The following WSB2 variants were observed in gnomAD, a reference collection of about 807,000 sequenced individuals.
WSB2 encodes the protein WD repeat and SOCS box containing 2.
Under a neutral mutation model 48.8 loss-of-function variants are expected in WSB2, and 12 were observed. The ratio of observed to expected loss-of-function variants is 0.25; its 90% CI spans 0.16 to 0.40. WSB2 has a LOEUF of 0.40. WSB2 is among the 10% of genes least tolerant of loss of function. WSB2 has a pLI of 1.00. For missense variants in WSB2, 317 were observed against 506.2 expected, an observed-to-expected ratio of 0.63 and a Z score of 3.59; for synonymous variants, 191 against 203.1, an observed-to-expected ratio of 0.94 and a Z score of 0.51.
chr12:118,054,677 C>CA (rs1362353417), intron 1 of WSB2, among the ~76,000 whole-genome samples: 1 of 131,834 alleles, frequency 7.6e-6, no homozygotes, highest in South Asian at 2.9e-4. Context: ...AACTCTGTCT[C>CA]AAAAAATAAT....
At chr12:118,044,971 T>G (rs2031715907) in intron 2 of WSB2, among the ~76,000 whole-genome samples, 1 of 152,190 alleles carries the variant, frequency 6.6e-6, no homozygotes, top group African/African-American at 2.4e-5. Context: ...CGAAAATAAT[T>G]GCAGTATTTG....
Position 118,043,192 on chromosome 12 carries a change from C to G in WSB2, c.368G>C (p.Cys123Ser). Residue 123 changes from cysteine to serine, a missense_variant, in exon 3 of 9, where the codon TGC (cysteine) becomes TCC (serine). This residue lies in a region of WSB2 where 128 missense variants were observed against 156.7 expected (regional missense o/e 0.82). Transcript: ENST00000315436. ...RHHPQVPDVSCLVLATGLNDG... is the reference protein window; with the variant it reads ...RHHPQVPDVSSLVLATGLNDG... ...GTTGAGTCCCGTAGCAAGAACCAGGCAAGAGACATCGGGCACTTGGGGGTG... is the reference window on the plus strand; with the variant it reads ...GTTGAGTCCCGTAGCAAGAACCAGGGAAGAGACATCGGGCACTTGGGGGTG... The G allele has an allele frequency of 6.2e-7, 1 of 1,614,242 alleles. No individual in the cohort carries two copies. Among genetic ancestry groups the G allele is most frequent in the South Asian group, 1.1e-5 (1 of 91,084 alleles).
rs1276931577 is a variant in WSB2, at chr12:118,060,688, AC to A, written c.13+347del. On this transcript the variant is annotated intron_variant, in intron 1 of 8. Coordinates refer to ENST00000315436, the MANE Select transcript of WSB2 (RefSeq NM_018639.5). The surrounding 1 kb of genome is among the most constrained non-coding windows in gnomAD (Gnocchi z 4.1). ...GGCACCTGGGTACCCAGGGGCACCCACCCCCTTGGGGATCTCCGTTTTAGGG... is the reference window on the plus strand; with the variant it reads ...GGCACCTGGGTACCCAGGGGCACCCACCCCTTGGGGATCTCCGTTTTAGGG... Among the ~76,000 whole-genome samples, 1 of 150,604 alleles carries A rather than the reference AC, an allele frequency of 6.6e-6. No individual in the cohort carries two copies. Among genetic ancestry groups the A allele is most frequent in the Admixed American group, 6.6e-5 (1 of 15,146 alleles).
chr12:118,051,033 CAG>C (rs2031842445), intron 2 of WSB2, among the ~76,000 whole-genome samples: 3 of 150,798 alleles, frequency 2.0e-5, no homozygotes. Context: ...GCCTGAACAA[CAG>C]AGTGAGACTC....
At chr12:118,035,559 A>AT in intron 6 of WSB2, 1 of 495,788 alleles carries the variant, frequency 2.0e-6, no homozygotes, top group Non-Finnish European at 3.6e-6. Flanking sequence ...TAATTTGCTT[A>AT]TGCAAAGTAG....
At position 118,058,580 on chromosome 12, in the gene WSB2, G is replaced by A. The variant is rs544621967; in HGVS notation, c.13+2456C>T. Among the ~76,000 whole-genome samples, 4 of 152,188 alleles carry A rather than the reference G, an allele frequency of 2.6e-5. No individual in the cohort carries two copies. In the South Asian group the frequency reaches 8.3e-4, roughly 32 times the overall value. On this transcript the variant is annotated intron_variant, in intron 1 of 8. Coordinates refer to ENST00000315436, the MANE Select transcript of WSB2 (RefSeq NM_018639.5). ...CTGCCTAGACTGGTCTCAAACTCCT[G>A]AGCTCAAGTGATCTACCCAAGTTGG...
chr12:118,040,569 T>C (rs2031615091), intron 4 of WSB2, among the ~76,000 whole-genome samples: 1 of 151,508 alleles, frequency 6.6e-6, no homozygotes, highest in Admixed American at 6.6e-5. Context: ...AAGACCAGCC[T>C]GACCTTCATG....
chr12:118,061,749 G>A (rs1195211401), upstream of WSB2, among the ~76,000 whole-genome samples: 2 of 142,438 alleles, frequency 1.4e-5, no homozygotes, highest in African/African-American at 2.6e-5. Context: ...CCATGCGAAG[G>A]CCGATGAGGG....
intron 1 of WSB2, among the ~76,000 whole-genome samples, chr12:118,054,841 G>T (rs7310726): frequency 0.071 from 10,794 of 151,126 alleles, 1,334 homozygotes; most frequent in African/African-American, 0.25. Context: ...TTTGTAAAGA[G>T]ACTATTCATT....
At chr12:118,050,965 T>G (rs1030482541) in intron 2 of WSB2, among the ~76,000 whole-genome samples, 35 of 151,824 alleles carry the variant, frequency 2.3e-4, no homozygotes, top group Non-Finnish European at 1.6e-4. Context: ...GGCAGGAGAA[T>G]TGCTTGAACC....
intron 1 of WSB2, among the ~76,000 whole-genome samples, chr12:118,059,969 C>A (rs2032031532): frequency 6.6e-6 from 1 of 152,214 alleles, no homozygotes; most frequent in South Asian, 2.1e-4. Flanking sequence ...TCAGAACCCT[C>A]CAGACCAGGA....
At chr12:118,045,466 G>A (rs1307121620) in intron 2 of WSB2, among the ~76,000 whole-genome samples, 2 of 152,118 alleles carry the variant, frequency 1.3e-5, no homozygotes, top group Admixed American at 1.3e-4. Flanking sequence ...GGGAGGCTGA[G>A]GTGGGTGGAT....
intron 1 of WSB2, among the ~76,000 whole-genome samples, chr12:118,053,856 CAGAT>C (rs2031900245): frequency 6.6e-6 from 1 of 152,116 alleles, no homozygotes; most frequent in South Asian, 2.1e-4. Context: ...TGGCTGTTAC[CAGAT>C]AGATATTCAT....
At chr12:118,058,847 C>G (rs537418673) in intron 1 of WSB2, among the ~76,000 whole-genome samples, 1 of 152,122 alleles carries the variant, frequency 6.6e-6, no homozygotes, top group African/African-American at 2.4e-5. Context: ...CAGGTATGCA[C>G]CACCACGCCT....
chr12:118,041,054 AAAAC>A (rs2031626470), intron 4 of WSB2, among the ~76,000 whole-genome samples: 1 of 152,218 alleles, frequency 6.6e-6, no homozygotes, highest in African/African-American at 2.4e-5. Context: ...GTCTCAAGAA[AAAAC>A]AAACAAACCA....
chr12:118,036,272 C>T, intron 6 of WSB2, 66 bp downstream of exon 6: 2 of 1,547,514 alleles, frequency 1.3e-6, no homozygotes, highest in Admixed American at 1.8e-5. Context: ...AGAGACATGT[C>T]TAATCCCAGG....
intron 1 of WSB2, among the ~76,000 whole-genome samples, chr12:118,054,677 CAAA>C (rs1362353417): frequency 7.6e-6 from 1 of 131,830 alleles, no homozygotes; most frequent in African/African-American, 2.9e-5. Context: ...AACTCTGTCT[CAAA>C]AAATAATAAT....
At chr12:118,061,210 A>T, upstream of WSB2, 1 of 977,016 alleles carries the variant, frequency 1.0e-6, no homozygotes, top group Non-Finnish European at 1.2e-6. Flanking sequence ...GCGGGCGGAG[A>T]CGCGCGGGGG....
At chr12:118,050,303 G>A (rs1488089697) in intron 2 of WSB2, among the ~76,000 whole-genome samples, 2 of 152,128 alleles carry the variant, frequency 1.3e-5, no homozygotes, top group African/African-American at 2.4e-5. Flanking sequence ...GGGAGCTCAC[G>A]GCATTCTGAC....
Sources: allele counts gnomAD v4.1 joint callset (sites outside exome capture counted in the v4.1 genomes callset), GRCh38; gene constraint gnomAD v4.1.1; regional missense constraint gnomAD v4.1.1; non-coding constraint Gnocchi (gnomAD v3.1); transcripts MANE v1.5; gene names NCBI Gene and HGNC (gene_info 2026-07-23, HGNC 2026-07-21).